IREB2: variants seen among roughly 807,000 people sequenced by gnomAD.
IREB2 encodes the protein iron responsive element binding protein 2, also known as iron-responsive element-binding protein 2.
IREB2 carries 39 observed loss-of-function variants against 118.8 expected under a neutral mutation model. The observed-to-expected ratio is 0.33, with a 90% CI of 0.25 to 0.43. The LOEUF is 0.43. Ranked by LOEUF, IREB2 falls within the 20% of genes least tolerant of loss-of-function variation. The pLI is 1.00. For synonymous variants in IREB2, 372 were observed against 392.2 expected (o/e 0.95, Z 0.61); for missense variants, 900 against 1,147.3 (o/e 0.78, Z 3.11).
intron 2 of IREB2, among the ~76,000 whole-genome samples, chr15:78,459,341 T>A (rs1331782103): frequency 1.1e-5 from 1 of 91,668 alleles, no homozygotes; most frequent in Non-Finnish European, 3.4e-5. Flanking sequence ...TGTTTGTTTG[T>A]TTTGGTTTTT....
intron 2 of IREB2, among the ~76,000 whole-genome samples, chr15:78,446,247 CAT>C (rs1303811689): frequency 6.6e-6 from 1 of 152,206 alleles, no homozygotes; most frequent in East Asian, 1.9e-4. Context: ...AATTTGTACA[CAT>C]AGTACATAAC....
At chr15:78,442,044 C>T (rs368068966) in intron 2 of IREB2, among the ~76,000 whole-genome samples, 4 of 152,132 alleles carry the variant, frequency 2.6e-5, no homozygotes, top group East Asian at 3.9e-4. Context: ...GTAGCTGGTA[C>T]TATAGGCGTG....
At chr15:78,441,506 A>G (rs975350419) in intron 2 of IREB2, among the ~76,000 whole-genome samples, 3 of 152,222 alleles carry the variant, frequency 2.0e-5, no homozygotes, top group Admixed American at 1.3e-4. Context: ...CCCAAATTTC[A>G]TAGTTTAATA....
chr15:78,495,566 G>A (rs2051826400), intron 20 of IREB2, among the ~76,000 whole-genome samples: 2 of 152,134 alleles, frequency 1.3e-5, no homozygotes, highest in Admixed American at 6.5e-5. Flanking sequence ...TTGAAGGAAA[G>A]AGACTCGTTC....
intron 5 of IREB2, among the ~76,000 whole-genome samples, chr15:78,466,878 T>C (rs1335744876): frequency 5.9e-5 from 9 of 152,160 alleles, no homozygotes; most frequent in Admixed American, 5.2e-4. Flanking sequence ...ATTTTTAACA[T>C]TTTTTTCCTA....
intron 13 of IREB2, among the ~76,000 whole-genome samples, chr15:78,486,149 C>G (rs1234623818): frequency 6.6e-6 from 1 of 152,110 alleles, no homozygotes; most frequent in Non-Finnish European, 1.5e-5. Context: ...AGAAACGATA[C>G]CAAGTATGCA....
At chr15:78,471,336 G>GT in intron 6 of IREB2, among the ~76,000 whole-genome samples, 1 of 152,312 alleles carries the variant, frequency 6.6e-6, no homozygotes, top group South Asian at 2.1e-4. Context: ...AGGTTTTATA[G>GT]TAGTAGAACG....
At chr15:78,437,993 G>A (rs1311622647), upstream of IREB2, among the ~76,000 whole-genome samples, 2 of 152,198 alleles carry the variant, frequency 1.3e-5, no homozygotes, top group South Asian at 4.1e-4. Context: ...GTAACGGATC[G>A]CTGCGAAGGC....
At position 78,487,837 on chromosome 15, in the gene IREB2, A is replaced by G. The variant is rs1461546093; in HGVS notation, c.1794+20A>G. 3.7e-6 allele frequency: 5 copies of G among 1,353,806 alleles called. No homozygotes were observed. Among genetic ancestry groups the G allele is most frequent in the Non-Finnish European group, 5.3e-6 (5 of 946,410 alleles). 83.9% of individuals were successfully genotyped at this position (1,353,806 alleles called of 1,614,324 possible). A position where few individuals can be genotyped will look rare whatever the true frequency, so the allele number is the denominator to read the frequency against. ...AAACAGGTAAAATGTGTGGATTGGC[A>G]AGACATCTAAATGATTTTCTTAACT... On this transcript the variant is annotated intron_variant, in intron 14 of 21. Coordinates refer to ENST00000258886, the MANE Select transcript of IREB2 (RefSeq NM_004136.4).
chr15:78,438,788 C>A, intron 1 of IREB2: 1 of 202,214 alleles, frequency 4.9e-6, no homozygotes, highest in Non-Finnish European at 1.0e-5. Context: ...TTCCACGGTC[C>A]AGCCTAAGGC....
intron 5 of IREB2, 93 bp from the exon 6 acceptor site, chr15:78,470,439 G>A (rs1388894566): frequency 4.7e-6 from 3 of 643,080 alleles, no homozygotes; most frequent in Non-Finnish European, 8.1e-6. Context: ...ATATATTTGT[G>A]TATATATATG....
chr15:78,468,458 G>A (rs1472961079), intron 5 of IREB2, among the ~76,000 whole-genome samples: 1 of 151,478 alleles, frequency 6.6e-6, no homozygotes, highest in Non-Finnish European at 1.5e-5. Flanking sequence ...TGCTGTCCAG[G>A]CTGGTCTTGA....
At chr15:78,447,302 A>G (rs1297552377) in intron 2 of IREB2, among the ~76,000 whole-genome samples, 1 of 145,910 alleles carries the variant, frequency 6.9e-6, no homozygotes, top group East Asian at 2.0e-4. Context: ...TCAGCCTCCC[A>G]CTACAAGAAG....
At chr15:78,492,519 G>A (rs1166449072) in intron 18 of IREB2, among the ~76,000 whole-genome samples, 2 of 152,160 alleles carry the variant, frequency 1.3e-5, no homozygotes, top group African/African-American at 4.8e-5. Context: ...TGTATGGAAT[G>A]TATTTCAGCA....
chr15:78,484,837 A>G lies in IREB2; in HGVS notation c.1490A>G (p.Tyr497Cys). 4 of 1,613,668 alleles carry G rather than the reference A, an allele frequency of 2.5e-6. No individual in the cohort carries two copies. The highest frequency in any genetic ancestry group is 3.4e-6 in the Non-Finnish European group (4 of 1,179,598). The change falls in exon 12 of 22, where the codon TAT becomes TGT. Residue 497 changes from tyrosine to cysteine, a missense_variant. Tyr to Cys is a radical substitution (Grantham distance 194). Coordinates refer to ENST00000258886, the MANE Select transcript of IREB2 (RefSeq NM_004136.4). ...TCCATTCATTATGAAGGAAGTGAAT[A>G]TAAGCTGTCTCATGGATCAGTGGTC... ...IVSIHYEGSE[Y>C]KLSHGSVVIA...
intron 5 of IREB2, among the ~76,000 whole-genome samples, chr15:78,469,619 G>A (rs1294830251): frequency 6.6e-6 from 1 of 151,886 alleles, no homozygotes. Flanking sequence ...GCTACTCAGG[G>A]GGCTGAGGTA....
At chr15:78,490,298 G>T in intron 16 of IREB2, 124 bp from the exon 17 acceptor site, 5 of 573,230 alleles carry the variant, frequency 8.7e-6, no homozygotes, top group Non-Finnish European at 1.3e-5. Flanking sequence ...AATGGATAAG[G>T]CCTATTTTTG....
Position 78,465,371 on chromosome 15 carries a change from A to G in IREB2, c.393A>G (p.Gln131=), listed in dbSNP as rs570560882. 2 of 1,611,644 alleles carry G rather than the reference A, an allele frequency of 1.2e-6. No homozygotes were observed. Among genetic ancestry groups the G allele is most frequent in the Admixed American group, 1.7e-5 (1 of 59,274 alleles). The part of the protein sequence containing the change: ...PTDLTVDHSL[Q]IDFSKCAIQN... The stretch of plus-strand genomic sequence containing the variant: ...ATCTTACAGTTGACCATTCTTTACA[A>G]ATTGACTTCAGTAAATGGTACTTCA... The change falls in exon 4 of 22, where the codon CAA becomes CAG. Residue 131 remains glutamine, a synonymous_variant. Coordinates refer to ENST00000258886, the MANE Select transcript of IREB2 (RefSeq NM_004136.4).
chr15:78,484,946 T>C (rs574597920), intron 12 of IREB2, 26 bp downstream of exon 12: 1 of 1,594,464 alleles, frequency 6.3e-7, no homozygotes, highest in East Asian at 2.2e-5. Context: ...TGGCCATACT[T>C]TTTCTTTTTC....
Sources: allele counts gnomAD v4.1 joint callset (sites outside exome capture counted in the v4.1 genomes callset), GRCh38; gene constraint gnomAD v4.1.1; transcripts MANE v1.5; gene names NCBI Gene and HGNC (gene_info 2026-07-23, HGNC 2026-07-21).